TULP4: variants seen among roughly 807,000 people sequenced by gnomAD.
TULP4 encodes the protein tubby-related protein 4.
In TULP4, 16 loss-of-function variants were observed where a neutral mutation model predicts 129.0. That is an observed-to-expected ratio of 0.12 (90% CI 0.08 to 0.19). The LOEUF (loss-of-function observed/expected upper bound fraction) is 0.19, where lower values mean the gene tolerates loss of function less well. TULP4 is among the 10% of genes least tolerant of loss of function. TULP4 has a pLI of 1.00. For synonymous variants in TULP4, 998 were observed against 854.0 expected, an observed-to-expected ratio of 1.17 and a Z score of -2.94; for missense variants, 1,842 against 2,059.1, an observed-to-expected ratio of 0.89 and a Z score of 2.04.
chr6:158,413,265 C>G lies in TULP4; in HGVS notation c.381+72C>G. The G allele has an allele frequency of 6.6e-7, 1 of 1,522,088 alleles. No individual in the cohort carries two copies. Among genetic ancestry groups the G allele is most frequent in the Non-Finnish European group, 8.9e-7 (1 of 1,126,614 alleles). The allele number at this position is 1,522,088 out of a possible 1,614,324, so 94.3% of individuals were successfully genotyped here. A position where few individuals can be genotyped will look rare whatever the true frequency, so the allele number is the denominator to read the frequency against. On this transcript the variant is annotated intron_variant, in intron 2 of 13. Coordinates refer to ENST00000367097, the MANE Select transcript of TULP4 (RefSeq NM_020245.5). The surrounding 1 kb of genome is among the most constrained non-coding windows in gnomAD (Gnocchi z 4.9). ...GACTCCCAGACAGGCATTCCGGAGC[C>G]AGTGCGTTAGCACCACACAGCGCCA...
chr6:158,314,403 T>C (rs1031814938), intron 1 of TULP4, 135 bp downstream of exon 1: 4 of 1,097,218 alleles, frequency 3.6e-6, no homozygotes, highest in Non-Finnish European at 5.1e-6. Flanking sequence ...GAGTTCTGTC[T>C]CTTATTCTCT....
At chr6:158,400,468 G>T (rs1257909764) in intron 1 of TULP4, among the ~76,000 whole-genome samples, 1 of 152,116 alleles carries the variant, frequency 6.6e-6, no homozygotes, top group Admixed American at 6.5e-5. Context: ...TGTAGTGTGT[G>T]TGTGTAGATC....
chr6:158,469,470 C>G (rs1201745775), intron 6 of TULP4, among the ~76,000 whole-genome samples: 1 of 152,036 alleles, frequency 6.6e-6, no homozygotes, highest in Non-Finnish European at 1.5e-5. Flanking sequence ...GACAGCGTCT[C>G]ACCATGTTGG....
At chr6:158,319,127 G>A (rs891897733) in intron 1 of TULP4, among the ~76,000 whole-genome samples, 5 of 152,162 alleles carry the variant, frequency 3.3e-5, no homozygotes, top group African/African-American at 1.2e-4. Context: ...CTGGACTGAT[G>A]TGAAGCCGCT....
chr6:158,288,030 A>G (rs77725146), intron 1 of TULP4, among the ~76,000 whole-genome samples: 2,100 of 152,294 alleles, frequency 0.014, 20 homozygotes, highest in Non-Finnish European at 0.02. Context: ...GAGCACTGAA[A>G]TTATCAATTG....
chr6:158,374,461 T>A (rs1465307203), intron 1 of TULP4, among the ~76,000 whole-genome samples: 4 of 152,218 alleles, frequency 2.6e-5, no homozygotes. Flanking sequence ...AGTCTTCTTT[T>A]GTATTCTCTC....
rs535546670 is a variant in TULP4, at chr6:158,504,503, T to C, written c.4515+325T>C. ...CTGGGACTACACGTGCCCGCCACCA[T>C]GCCCGGCTAATTTTTTTTTTTTTTT... is the stretch of plus-strand genomic sequence containing the variant. On this transcript the variant is annotated intron_variant, in intron 13 of 13. Transcript: ENST00000367097. 5.1e-3 allele frequency among the ~76,000 whole-genome samples: 764 copies of C among 150,006 alleles called. 4 individuals are homozygous for C. Among genetic ancestry groups the C allele is most frequent in the Non-Finnish European group, 8.6e-3 (579 of 67,556 alleles).
intron 1 of TULP4, among the ~76,000 whole-genome samples, chr6:158,297,921 C>T (rs141465742): frequency 1.4e-3 from 209 of 152,200 alleles, no homozygotes; most frequent in African/African-American, 4.5e-3. Flanking sequence ...GAGACCAGGG[C>T]GTATCTCAGT....
chr6:158,462,433 GC>G (rs1779450045), intron 6 of TULP4, among the ~76,000 whole-genome samples: 2 of 149,514 alleles, frequency 1.3e-5, no homozygotes, highest in Non-Finnish European at 3.0e-5. Context: ...GAGTGCCGTA[GC>G]GCATTCTTGG....
intron 1 of TULP4, among the ~76,000 whole-genome samples, chr6:158,233,185 C>T (rs976042567): frequency 1.3e-5 from 2 of 152,200 alleles, no homozygotes; most frequent in African/African-American, 2.4e-5. Flanking sequence ...GTCCTAATTC[C>T]TTCTACCTGC....
At chr6:158,252,062 G>C (rs935072610) in intron 1 of TULP4, among the ~76,000 whole-genome samples, 8 of 152,224 alleles carry the variant, frequency 5.3e-5, no homozygotes, top group Non-Finnish European at 1.5e-5. Flanking sequence ...TGTGAGTTTG[G>C]ACGGTTTTGA....
In TULP4 at chr6:158,413,856, G is replaced by A. The variant is rs972043411; in HGVS notation, c.381+663G>A. ...TTGGAGCAGGCAGCTCCCATCCTGG[G>A]GATTGTACAAAACTGGGACTTAAGA... On this transcript the variant is annotated intron_variant, in intron 2 of 13. Transcript: ENST00000367097. The surrounding 1 kb of genome is among the most constrained non-coding windows in gnomAD (Gnocchi z 4.9). 5.3e-5 allele frequency among the ~76,000 whole-genome samples: 8 copies of A among 152,198 alleles called. No homozygotes were observed. The highest frequency in any genetic ancestry group is 1.9e-4 in the African/African-American group (8 of 41,440).
intron 1 of TULP4, among the ~76,000 whole-genome samples, chr6:158,368,003 G>A (rs561157822): frequency 7.1e-6 from 1 of 139,960 alleles, no homozygotes; most frequent in East Asian, 2.0e-4. Context: ...CGAGGTATGA[G>A]GATCACCCAA....
intron 6 of TULP4, among the ~76,000 whole-genome samples, chr6:158,469,327 G>A (rs749014111): frequency 6.6e-6 from 1 of 151,468 alleles, no homozygotes; most frequent in South Asian, 2.1e-4. Context: ...AGGCTGGAGT[G>A]CAGTGGCATG....
chr6:158,331,797 A>C, intron 1 of TULP4, among the ~76,000 whole-genome samples: 3 of 134,462 alleles, frequency 2.2e-5, no homozygotes, highest in African/African-American at 2.7e-5. Context: ...ACATACCTAC[A>C]TACACACATT....
intron 6 of TULP4, among the ~76,000 whole-genome samples, chr6:158,474,484 G>C (rs2128247793): frequency 6.6e-6 from 1 of 152,044 alleles, no homozygotes; most frequent in South Asian, 2.1e-4. Context: ...TAGTGAGGAA[G>C]CTTTCAATTC....
chr6:158,278,473 A>G (rs991126421), upstream of TULP4, among the ~76,000 whole-genome samples: 8 of 151,608 alleles, frequency 5.3e-5, no homozygotes, highest in Non-Finnish European at 8.8e-5. Flanking sequence ...CTAAACTATT[A>G]TCTGTATGCT....
Position 158,359,364 on chromosome 6 carries a change from T to G in TULP4, c.252+45096T>G, listed in dbSNP as rs116108047. ...AGAGGGACAGAATTAATAGGACAGA[T>G]GTATGTTAAAGGAGAGTTTATTAAG... On this transcript the variant is annotated intron_variant, in intron 1 of 13. Coordinates refer to ENST00000367097, the MANE Select transcript of TULP4 (RefSeq NM_020245.5). Among the ~76,000 whole-genome samples, 361 of 152,268 alleles carry G rather than the reference T, an allele frequency of 2.4e-3. 1 individual carries two copies. The highest frequency in any genetic ancestry group is 8.2e-3 in the African/African-American group (341 of 41,538).
intron 1 of TULP4, among the ~76,000 whole-genome samples, chr6:158,403,426 G>A (rs973539571): frequency 2.6e-5 from 4 of 152,034 alleles, no homozygotes; most frequent in African/African-American, 4.8e-5. Context: ...CACAACCTCC[G>A]CCTCTCGGGT....
Sources: gnomAD v4.1 joint callset for allele counts (sites outside exome capture counted in the v4.1 genomes callset) on GRCh38, gnomAD v4.1.1 for gene constraint, Gnocchi (gnomAD v3.1) non-coding constraint, MANE v1.5 for transcripts, NCBI Gene and HGNC (gene_info 2026-07-23, HGNC 2026-07-21) for gene names.